STK16: variants seen among roughly 807,000 people sequenced by gnomAD.
The protein encoded by STK16 is serine/threonine kinase 16.
In STK16, 28 loss-of-function variants were observed where a neutral mutation model predicts 37.8. The ratio of observed to expected loss-of-function variants is 0.74; its 90% CI spans 0.55 to 1.02. The LOEUF (loss-of-function observed/expected upper bound fraction) is 1.02. Ranked by LOEUF, STK16 falls within the 50% of genes least tolerant of loss-of-function variation. The pLI, the probability that STK16 is intolerant of heterozygous loss-of-function variation, is 0.00. For missense variants in STK16, 349 were observed against 390.6 expected (o/e 0.89, Z 0.90); for synonymous variants, 134 against 155.0 (o/e 0.86, Z 1.01).
rs777644163 is a variant in STK16 at position 219,246,879 on chromosome 2, CAGAA to C, written c.306+7_306+10del. ...GGCTGCTGCTACCATTCTTCAAGGT[CAGAA>C]AGACTCCTGGTTATGGAGGGGGTTG... On this transcript the variant is annotated splice_donor_5th_base_variant and intron_variant, in intron 3 of 7. Transcript: ENST00000396738. This position sits in a 1 kb window ranked among gnomAD's most constrained non-coding sequence, Gnocchi z 4.5. 4 of 1,605,510 alleles carry C rather than the reference CAGAA, an allele frequency of 2.5e-6. No homozygotes were observed. The South Asian group carries it at 3.3e-5, about 13-fold the overall frequency.
rs184945116 is a variant in STK16 at position 219,245,615 on chromosome 2, T to A, written c.-286T>A. On this transcript the variant is annotated 5_prime_UTR_variant, in exon 1 of 8. Coordinates refer to ENST00000396738, the MANE Select transcript of STK16 (RefSeq NM_001330213.2). ...GAGTGGGCCTGAGCCTCGCACGTCC[T>A]CTGAAACTACGCTATGCTCTGCTTT... 88 of 167,582 alleles carry A rather than the reference T, an allele frequency of 5.3e-4. No homozygotes were observed. The East Asian group carries it at 0.014, about 26-fold the overall frequency. 10.4% of individuals were successfully genotyped at this position (167,582 alleles called of 1,614,324 possible).
intron 5 of STK16, 59 bp from the exon 6 acceptor site, chr2:219,247,603 G>A: frequency 6.2e-7 from 1 of 1,614,142 alleles, no homozygotes; most frequent in Middle Eastern, 1.6e-4. Flanking sequence ...GCATGTCCCA[G>A]TTTGGTCACA....
intron 6 of STK16, 21 bp from the exon 7 acceptor site, chr2:219,248,172 G>A (rs1056713275): frequency 1.2e-6 from 2 of 1,613,702 alleles, no homozygotes; most frequent in African/African-American, 1.3e-5. Flanking sequence ...CCCTTCTAGG[G>A]ACTAATCAAG....
rs1693798892 is a variant in STK16, at chr2:219,250,218, CAG to C, written c.*1662_*1663del. On this transcript the variant is annotated 3_prime_UTR_variant, in exon 8 of 8. Transcript: ENST00000396738. This position sits in a 1 kb window ranked among gnomAD's most constrained non-coding sequence, Gnocchi z 8.4. The stretch of plus-strand genomic sequence containing the variant: ...AGGGATAAGGGTCATGAACAGCAAA[CAG>C]AGCAGCAGCAGCATGAAGGGGAAGG... 1.8e-5 allele frequency: 24 copies of C among 1,313,504 alleles called. No homozygotes were observed. In the South Asian group the frequency reaches 2.7e-4, roughly 15 times the overall value. 81.4% of individuals were successfully genotyped at this position (1,313,504 alleles called of 1,614,324 possible). A position where few individuals can be genotyped will look rare whatever the true frequency, so the allele number is the denominator to read the frequency against.
chr2:219,247,664 C>T lies in STK16; in HGVS notation c.564C>T (p.Asp188=). ...GAGCTCTGGGATCACTGTTCCAGGA[C>T]TGGGCAGCCCAGCGGTGCACCATCT... The part of the protein sequence containing the change: ...EGSRQALTLQ[D]WAAQRCTISY... The change falls in exon 6 of 8, where the codon GAC becomes GAT. Residue 188 remains aspartate (D), a splice_region_variant and synonymous_variant. Transcript: ENST00000396738. 1 of 1,611,746 alleles carries T rather than the reference C, an allele frequency of 6.2e-7. No individual in the cohort carries two copies. The highest frequency in any genetic ancestry group is 8.5e-7 in the Non-Finnish European group (1 of 1,178,184).
chr2:219,245,687 G>C lies in STK16; in HGVS notation c.-214G>C, dbSNP rs1241027738. ...GCGGGGGCTGCCCAAAGATGGGCTG[G>C]GGTTGGAGGAAGTGGCCCGGTAGCC... On this transcript the variant is annotated 5_prime_UTR_variant, in exon 1 of 8. Transcript: ENST00000396738. The C allele has an allele frequency of 4.6e-6, 1 of 217,628 alleles. No homozygotes were observed. The allele number at this position is 217,628 out of a possible 1,614,324, so 13.5% of individuals were successfully genotyped here.
rs762005933 is a variant in STK16, at chr2:219,247,121, G to A, written c.315G>A (p.Thr105=). The change falls in exon 4 of 8, where the codon ACG becomes ACA. Residue 105 remains threonine, a synonymous_variant. Transcript: ENST00000396738. ...GGAAACTTGTGTTGCAGAGAGGTAC[G>A]CTGTGGAATGAGATAGAAAGGCTGA... is the stretch of plus-strand genomic sequence containing the variant. ...WLLLPFFKRG[T]LWNEIERLKD... is the part of the protein sequence containing the mutation. 18 of 1,614,110 alleles carry A rather than the reference G, an allele frequency of 1.1e-5. No homozygotes were observed. The highest frequency in any genetic ancestry group is 1.7e-5 in the Admixed American group (1 of 60,002).
Position 219,247,169 on chromosome 2 carries a change from C to T in STK16, c.363C>T (p.Thr121=), listed in dbSNP as rs747468565. 8.7e-6 allele frequency: 14 copies of T among 1,614,052 alleles called. No individual in the cohort carries two copies. The highest frequency in any genetic ancestry group is 6.7e-5 in the East Asian group (3 of 44,904). Residue 121 remains threonine, a synonymous_variant, in exon 4 of 8, where the codon ACC becomes ACT. Transcript: ENST00000396738. ...TGAAGGACAAAGGCAACTTCCTGAC[C>T]GAGGATCAAATCCTTTGGCTGCTGC... The part of the protein sequence containing the change: ...ERLKDKGNFL[T]EDQILWLLLG...
At position 219,246,581 on chromosome 2, in the gene STK16, C is replaced by T. The variant is rs1196066987; in HGVS notation, c.87-76C>T. The T allele has an allele frequency of 1.6e-6, 2 of 1,224,876 alleles. No individual in the cohort carries two copies. The highest frequency in any genetic ancestry group is 2.4e-6 in the Non-Finnish European group (2 of 836,012). The allele number at this position is 1,224,876 out of a possible 1,614,324, so 75.9% of individuals were successfully genotyped here. A position where few individuals can be genotyped will look rare whatever the true frequency, so the allele number is the denominator to read the frequency against. ...GCTAAATGGGAAGGACACCCCACTC[C>T]CCACCAGGAAATTTCTCTAGGTCCA... On this transcript the variant is annotated intron_variant, in intron 2 of 7. Coordinates refer to ENST00000396738, the MANE Select transcript of STK16 (RefSeq NM_001330213.2). This position sits in a 1 kb window ranked among gnomAD's most constrained non-coding sequence, Gnocchi z 4.5.
chr2:219,246,973 C>T lies in STK16; in HGVS notation c.306+97C>T, dbSNP rs1951548430. ...GCATGTTAGGAAGCAGGGACCATGT[C>T]CTGGGTTTGGCCACTTTAGATTTTG... On this transcript the variant is annotated intron_variant, in intron 3 of 7. Coordinates refer to ENST00000396738, the MANE Select transcript of STK16 (RefSeq NM_001330213.2). This position sits in a 1 kb window ranked among gnomAD's most constrained non-coding sequence, Gnocchi z 4.5. 1 of 1,523,952 alleles carries T rather than the reference C, an allele frequency of 6.6e-7. No homozygotes were observed. Among genetic ancestry groups the T allele is most frequent in the African/African-American group, 1.4e-5 (1 of 72,908 alleles). 94.4% of individuals were successfully genotyped at this position (1,523,952 alleles called of 1,614,324 possible).
chr2:219,246,978 G>T lies in STK16; in HGVS notation c.306+102G>T, dbSNP rs1201054269. The T allele has an allele frequency of 4.6e-6, 7 of 1,527,396 alleles. No homozygotes were observed. Among genetic ancestry groups the T allele is most frequent in the Non-Finnish European group, 6.2e-6 (7 of 1,127,940 alleles). 94.6% of individuals were successfully genotyped at this position (1,527,396 alleles called of 1,614,324 possible). A position where few individuals can be genotyped will look rare whatever the true frequency, so the allele number is the denominator to read the frequency against. On this transcript the variant is annotated intron_variant, in intron 3 of 7. Transcript: ENST00000396738. The surrounding 1 kb of genome is among the most constrained non-coding windows in gnomAD (Gnocchi z 4.5). ...TTAGGAAGCAGGGACCATGTCCTGG[G>T]TTTGGCCACTTTAGATTTTGAGTTT...
chr2:219,246,440 CAG>C lies in STK16; in HGVS notation c.87-214_87-213del, dbSNP rs561537909. 309 of 625,534 alleles carry C rather than the reference CAG, an allele frequency of 4.9e-4. 1 individual carries two copies. The East Asian group carries it at 7.6e-3, about 15-fold the overall frequency. 38.7% of individuals were successfully genotyped at this position (625,534 alleles called of 1,614,324 possible). A position where few individuals can be genotyped will look rare whatever the true frequency, so the allele number is the denominator to read the frequency against. ...TTATTTATTTAGCATCTGTCAAGTG[CAG>C]AGGTCTCTATTACGACCATAGGACC... On this transcript the variant is annotated intron_variant, in intron 2 of 7. Transcript: ENST00000396738. This position sits in a 1 kb window ranked among gnomAD's most constrained non-coding sequence, Gnocchi z 4.5.
Position 219,246,663 on chromosome 2 carries a change from C to T in STK16, c.93C>T (p.Phe31=), listed in dbSNP as rs1332144675. The T allele has an allele frequency of 1.9e-6, 3 of 1,613,950 alleles. No homozygotes were observed. Among genetic ancestry groups the T allele is most frequent in the Non-Finnish European group, 1.7e-6 (2 of 1,179,842 alleles). ...TGACCCCTTTGGCCCACAGTGGGTT[C>T]AGCTATGTGGACCTAGTGGAAGGGT... is the stretch of plus-strand genomic sequence containing the variant. ...LFIQKLGEGG[F]SYVDLVEGLH... Residue 31 remains phenylalanine, a synonymous_variant, in exon 3 of 8, where the codon TTC becomes TTT. Transcript: ENST00000396738. This position sits in a 1 kb window ranked among gnomAD's most constrained non-coding sequence, Gnocchi z 4.5.
Position 219,246,102 on chromosome 2 carries a change from C to T in STK16, c.86+17C>T. On this transcript the variant is annotated intron_variant, in intron 2 of 7. Transcript: ENST00000396738. This position sits in a 1 kb window ranked among gnomAD's most constrained non-coding sequence, Gnocchi z 4.5. Reference sequence around the variant, plus strand: ...GGGGGAGGGGTGAGTGTTTGGAAGTCAGTTAACTAGTCCTCAAGTTTATGA... The same window carrying T: ...GGGGGAGGGGTGAGTGTTTGGAAGTTAGTTAACTAGTCCTCAAGTTTATGA... 6.2e-7 allele frequency: 1 copy of T among 1,607,494 alleles called. No individual in the cohort carries two copies. The highest frequency in any genetic ancestry group is 8.5e-7 in the Non-Finnish European group (1 of 1,174,588).
At position 219,245,877 on chromosome 2, in the gene STK16, G is replaced by A; in HGVS notation, c.-104-19G>A. On this transcript the variant is annotated intron_variant, in intron 1 of 7. Transcript: ENST00000396738. ...TGGATTGTGCCGGACCTGTGACCCT[G>A]CCGTTGTTTTCTTTCCAGCATGATC... The A allele has an allele frequency of 1.4e-6, 1 of 705,856 alleles. No homozygotes were observed. The highest frequency in any genetic ancestry group is 2.7e-5 in the Admixed American group (1 of 37,492). The allele number at this position is 705,856 out of a possible 1,614,324, so 43.7% of individuals were successfully genotyped here. A position where few individuals can be genotyped will look rare whatever the true frequency, so the allele number is the denominator to read the frequency against.
chr2:219,248,043 G>C (rs56019765), intron 6 of STK16, 150 bp from the exon 7 acceptor site: 1 of 1,243,616 alleles, frequency 8.0e-7, no homozygotes, highest in African/African-American at 1.5e-5. Context: ...GCCTCCAGCT[G>C]ACTGGCAGTT....
chr2:219,247,046 A>C (rs1951550523), intron 3 of STK16, 67 bp from the exon 4 acceptor site: 2 of 1,601,754 alleles, frequency 1.2e-6, no homozygotes, highest in African/African-American at 2.7e-5. Flanking sequence ...TGACATAGGG[A>C]AGGGATCAGG....
rs775417896 is a variant in STK16, at chr2:219,247,547, T to C, written c.561+12T>C. The C allele has an allele frequency of 6.2e-7, 1 of 1,614,152 alleles. No homozygotes were observed. On this transcript the variant is annotated intron_variant, in intron 5 of 7. Transcript: ENST00000396738. ...CTCTGACCCTGCAGGTAAAAGAGTC[T>C]CCAGGTTCCTTTTCTCACCTGTTCC...
Position 219,248,456 on chromosome 2 carries a change from T to G in STK16, c.815T>G (p.Met272Arg). The change falls in exon 8 of 8, where the codon ATG becomes AGG. Residue 272 changes from methionine (M) to arginine (R), a missense_variant. Coordinates refer to ENST00000396738, the MANE Select transcript of STK16 (RefSeq NM_001330213.2). ...SSALRQLLNS[M>R]MTVDPHQRPH... ...GCATTGCGGCAGCTCCTGAACTCGA[T>G]GATGACCGTGGACCCGCATCAGCGT... 1 of 1,614,174 alleles carries G rather than the reference T, an allele frequency of 6.2e-7. No homozygotes were observed. Among genetic ancestry groups the G allele is most frequent in the Non-Finnish European group, 8.5e-7 (1 of 1,180,022 alleles).
Sources: allele counts gnomAD v4.1 joint callset, GRCh38; gene constraint gnomAD v4.1.1; non-coding constraint Gnocchi (gnomAD v3.1); transcripts MANE v1.5; gene names NCBI Gene and HGNC (gene_info 2026-07-23, HGNC 2026-07-21).